Variants in CDH9 observed in about 807,000 individuals in gnomAD.
CDH9 encodes the protein cadherin-9.
A neutral mutation model predicts 70.9 loss-of-function variants in CDH9; 28 were observed. That is an observed-to-expected ratio of 0.40 (90% confidence interval 0.29 to 0.54). The LOEUF (loss-of-function observed/expected upper bound fraction) is 0.54, where lower values mean the gene tolerates loss of function less well. CDH9 is among the 20% of genes least tolerant of loss of function. The pLI is 0.59. For missense variants in CDH9, 874 were observed against 984.4 expected (o/e 0.89, Z 1.50); for synonymous variants, 409 against 343.1 (o/e 1.19, Z -2.12).
At chr5:27,028,438 C>T (rs1017959696) in intron 1 of CDH9, 1 of 151,564 alleles carries the variant, frequency 6.6e-6, no homozygotes, top group African/African-American at 2.4e-5. Flanking sequence ...TCTGAATTTA[C>T]TGTATACTGC....
intron 1 of CDH9, among the ~76,000 whole-genome samples, chr5:27,020,489 C>A (rs1253306949): frequency 6.6e-6 from 1 of 151,364 alleles, no homozygotes; most frequent in East Asian, 1.9e-4. Context: ...TGATAATTTG[C>A]TTTTCAGTAG....
intron 7 of CDH9, among the ~76,000 whole-genome samples, chr5:26,898,842 G>T (rs558733387): frequency 6.6e-6 from 1 of 152,116 alleles, no homozygotes; most frequent in Non-Finnish European, 1.5e-5. Flanking sequence ...AAACTAAAGG[G>T]CTTCTGCACA....
intron 2 of CDH9, among the ~76,000 whole-genome samples, chr5:26,986,077 G>C (rs1742483282): frequency 1.3e-5 from 2 of 151,578 alleles, no homozygotes; most frequent in African/African-American, 2.4e-5. Flanking sequence ...AAAAAAGAAA[G>C]AGTTTTTTCT....
At position 26,881,577 on chromosome 5, in the gene CDH9, T is replaced by G. The variant is rs977700288; in HGVS notation, c.1929A>C (p.Glu643Asp). 31 of 1,612,302 alleles carry G rather than the reference T, an allele frequency of 1.9e-5. No homozygotes were observed. The highest frequency in any genetic ancestry group is 2.6e-5 in the Non-Finnish European group (31 of 1,179,422). The change falls in exon 12 of 12, where the codon GAA (glutamate) becomes GAC (aspartate). Residue 643 changes from glutamate to aspartate, a missense_variant. By Grantham distance (45) the Glu-to-Asp change is conservative. Coordinates refer to ENST00000231021, the MANE Select transcript of CDH9 (RefSeq NM_016279.4). Reference protein sequence around the residue: ...FAALKRQRKKEPLIISKDDVR... With the variant: ...FAALKRQRKKDPLIISKDDVR... ...CATCGTCTTTTGAAATTATCAGAGGTTCCTTTTTTCTTTGCCTCTTCAATG... is the reference window on the plus strand; with the variant it reads ...CATCGTCTTTTGAAATTATCAGAGGGTCCTTTTTTCTTTGCCTCTTCAATG...
At chr5:26,927,485 A>T (rs978781219) in intron 2 of CDH9, among the ~76,000 whole-genome samples, 3 of 152,030 alleles carry the variant, frequency 2.0e-5, no homozygotes, top group African/African-American at 7.2e-5. Context: ...TATATTTAGA[A>T]GGAAATATAT....
intron 2 of CDH9, among the ~76,000 whole-genome samples, chr5:26,949,564 A>C (rs2112045168): frequency 6.6e-6 from 1 of 152,344 alleles, no homozygotes; most frequent in African/African-American, 2.4e-5. Context: ...AGGACTTGTT[A>C]TTCTCACAGA....
intron 2 of CDH9, among the ~76,000 whole-genome samples, chr5:26,973,332 A>G (rs1272375996): frequency 6.6e-6 from 1 of 152,114 alleles, no homozygotes; most frequent in Non-Finnish European, 1.5e-5. Context: ...TTGAGCCACA[A>G]TGGTCTGTTT....
intron 2 of CDH9, among the ~76,000 whole-genome samples, chr5:26,972,598 T>A (rs528896800): frequency 1.6e-4 from 25 of 152,258 alleles, no homozygotes; most frequent in African/African-American, 6.0e-4. Context: ...GTGAAAAGTC[T>A]GCCTACAAGT....
intron 3 of CDH9, among the ~76,000 whole-genome samples, chr5:26,907,072 T>A (rs1197507584): frequency 2.6e-5 from 4 of 152,146 alleles, no homozygotes; most frequent in Non-Finnish European, 5.9e-5. Context: ...ATATTATCAG[T>A]AAGGTGAATA....
intron 1 of CDH9, among the ~76,000 whole-genome samples, chr5:27,012,289 A>C (rs1288885314): frequency 6.6e-6 from 1 of 151,830 alleles, no homozygotes; most frequent in Non-Finnish European, 1.5e-5. Context: ...TATTATTATT[A>C]TTTTTTAATA....
rs767593514 is a variant in CDH9, at chr5:26,903,787, A to G, written c.849T>C (p.Leu283=). The G allele has an allele frequency of 6.2e-7, 1 of 1,603,490 alleles. No homozygotes were observed. ...YQFNSPESVP[L]GTHLGRIKAN... ...CTTTTATCCTTCCAAGATGAGTTCC[A>G]AGAGGTACAGACTCAGGAGAATTAA... The change falls in exon 6 of 12, where the codon CTT becomes CTC. Residue 283 remains leucine (L), a synonymous_variant. Transcript: ENST00000231021.
At chr5:27,002,977 TTG>T (rs1415952038) in intron 1 of CDH9, among the ~76,000 whole-genome samples, 1 of 151,936 alleles carries the variant, frequency 6.6e-6, no homozygotes, top group Non-Finnish European at 1.5e-5. Flanking sequence ...AAAAGAAGCA[TTG>T]TGTTATAACC....
In CDH9 at chr5:26,892,993, A is replaced by C. The variant is rs370921607; in HGVS notation, c.1254-2429T>G. Among the ~76,000 whole-genome samples, 1,148 of 152,188 alleles carry C rather than the reference A, an allele frequency of 7.5e-3. 16 individuals are homozygous for C. The highest frequency in any genetic ancestry group is 0.026 in the African/African-American group (1,097 of 41,528). On this transcript the variant is annotated intron_variant, in intron 7 of 11. Coordinates refer to ENST00000231021, the MANE Select transcript of CDH9 (RefSeq NM_016279.4). Reference sequence around the variant, plus strand: ...CGTGATCCGCCTGCCTTGGCCTCCCAAAGTGCTAGGACTACAGGCGTGAAC... The same window carrying C: ...CGTGATCCGCCTGCCTTGGCCTCCCCAAGTGCTAGGACTACAGGCGTGAAC...
At chr5:27,024,152 C>T (rs1008373604) in intron 1 of CDH9, among the ~76,000 whole-genome samples, 3 of 151,824 alleles carry the variant, frequency 2.0e-5, no homozygotes, top group Non-Finnish European at 2.9e-5. Flanking sequence ...ATGATGAAAA[C>T]TGGACAAATA....
At chr5:26,882,340 C>T (rs1427065293) in intron 11 of CDH9, among the ~76,000 whole-genome samples, 2 of 151,940 alleles carry the variant, frequency 1.3e-5, no homozygotes, top group African/African-American at 2.4e-5. Context: ...ATACAAGGTC[C>T]GATTTAAGCT....
intron 2 of CDH9, among the ~76,000 whole-genome samples, chr5:26,966,519 AT>A (rs35917497): frequency 4.0e-4 from 60 of 151,878 alleles, no homozygotes; most frequent in South Asian, 1.2e-3. Context: ...CTAAAGCATC[AT>A]TTTTTTTCCT....
chr5:26,976,088 A>G (rs1742299064), intron 2 of CDH9, among the ~76,000 whole-genome samples: 1 of 152,216 alleles, frequency 6.6e-6, no homozygotes, highest in Non-Finnish European at 1.5e-5. Context: ...ATCTAAGGAA[A>G]TAAACAGAAA....
At chr5:27,005,249 A>T (rs1742841080) in intron 1 of CDH9, among the ~76,000 whole-genome samples, 1 of 152,142 alleles carries the variant, frequency 6.6e-6, no homozygotes, top group South Asian at 2.1e-4. Flanking sequence ...AATTCTAGAA[A>T]GTTTCTTAAG....
chr5:27,012,148 C>T (rs1358520688), intron 1 of CDH9, among the ~76,000 whole-genome samples: 1 of 151,888 alleles, frequency 6.6e-6, no homozygotes, highest in Non-Finnish European at 1.5e-5. Context: ...ACATTTTCAG[C>T]ATACAACCTA....
Sources: gnomAD v4.1 joint callset for allele counts (sites outside exome capture counted in the v4.1 genomes callset) on GRCh38, gnomAD v4.1.1 for gene constraint, MANE v1.5 for transcripts, NCBI Gene and HGNC (gene_info 2026-07-23, HGNC 2026-07-21) for gene names.